The following KCNMA1 variants were observed in gnomAD, a reference collection of about 807,000 sequenced individuals.
The protein encoded by KCNMA1 is potassium calcium-activated channel subfamily M alpha 1.
In KCNMA1, 29 loss-of-function variants were observed where a neutral mutation model predicts 140.0. The observed-to-expected ratio is 0.21, with a 90% CI of 0.15 to 0.28. The LOEUF (loss-of-function observed/expected upper bound fraction) is 0.28. KCNMA1 is among the 10% of genes least tolerant of loss of function. The pLI is 1.00. For synonymous variants in KCNMA1, 612 were observed against 611.9 expected, an observed-to-expected ratio of 1.00 and a Z score of 0.00; for missense variants, 880 against 1,602.2, an observed-to-expected ratio of 0.55 and a Z score of 7.70.
intron 1 of KCNMA1, among the ~76,000 whole-genome samples, chr10:77,626,189 G>A (rs1292769367): frequency 6.6e-6 from 1 of 152,070 alleles, no homozygotes; most frequent in African/African-American, 2.4e-5. Flanking sequence ...AGAAAACAGG[G>A]TTGTGAAAGA....
In KCNMA1 at chr10:76,885,204, G is replaced by GTT. The variant is rs1026349014; in HGVS notation, c.*2060_*2061dup. On this transcript the variant is annotated 3_prime_UTR_variant, in exon 28 of 28. Coordinates refer to ENST00000286628, the MANE Select transcript of KCNMA1 (RefSeq NM_001161352.2). ...CAATACTAGGGGATACATATATATA[G>GTT]TTATATATATAGTTATATATATATA... 8.1e-6 allele frequency: 5 copies of GTT among 619,984 alleles called. No homozygotes were observed. Among genetic ancestry groups the GTT allele is most frequent in the South Asian group, 7.2e-5 (1 of 13,796 alleles). 38.4% of individuals were successfully genotyped at this position (619,984 alleles called of 1,614,324 possible). A position where few individuals can be genotyped will look rare whatever the true frequency, so the allele number is the denominator to read the frequency against.
chr10:77,369,466 G>C (rs1294931642), intron 2 of KCNMA1, among the ~76,000 whole-genome samples: 2 of 152,130 alleles, frequency 1.3e-5, no homozygotes, highest in Non-Finnish European at 2.9e-5. Flanking sequence ...GGCTCTTGTG[G>C]CTCTGGCCCT....
At chr10:77,067,765 A>G in intron 14 of KCNMA1, among the ~76,000 whole-genome samples, 1 of 152,218 alleles carries the variant, frequency 6.6e-6, no homozygotes. Context: ...CTGGGCAGAC[A>G]GAAAGGTAAA....
Position 76,985,303 on chromosome 10 carries a change from G to A in KCNMA1, c.2267-15236C>T, listed in dbSNP as rs142927803. Among the ~76,000 whole-genome samples the A allele has an allele frequency of 3.7e-3, 556 of 152,254 alleles. 4 individuals carry two copies. The highest frequency in any genetic ancestry group is 0.012 in the African/African-American group (507 of 41,558). On this transcript the variant is annotated intron_variant, in intron 19 of 27. Transcript: ENST00000286628. Reference sequence around the variant, plus strand: ...GGATAGCTCTTTTTGCTCTAACAACGTGTTATTAAAAGCCACAACTTAATC... The same window carrying A: ...GGATAGCTCTTTTTGCTCTAACAACATGTTATTAAAAGCCACAACTTAATC...
chr10:77,243,552 T>C lies in KCNMA1; in HGVS notation c.602+7643A>G, dbSNP rs1303440433. Among the ~76,000 whole-genome samples, 5 of 152,226 alleles carry C rather than the reference T, an allele frequency of 3.3e-5. No individual in the cohort carries two copies. The East Asian group carries it at 9.6e-4, about 29-fold the overall frequency. Reference sequence around the variant, plus strand: ...TGCCAGGTTGTCCAAAGCATTCTTTTTAAGTTTTGGAGAGTGGCGAGAAGG... The same window carrying C: ...TGCCAGGTTGTCCAAAGCATTCTTTCTAAGTTTTGGAGAGTGGCGAGAAGG... On this transcript the variant is annotated intron_variant, in intron 3 of 27. Transcript: ENST00000286628.
chr10:77,108,212 A>G lies in KCNMA1; in HGVS notation c.1223+269T>C, dbSNP rs2097238132. The G allele has an allele frequency of 5.1e-6, 6 of 1,183,514 alleles. No individual in the cohort carries two copies. Among genetic ancestry groups the G allele is most frequent in the Non-Finnish European group, 5.7e-6 (5 of 870,058 alleles). 73.3% of individuals were successfully genotyped at this position (1,183,514 alleles called of 1,614,324 possible). ...GCACCCGGTGGGGTTGGGGAGGGGC[A>G]GAATTCAGATGGCACCTCCACAGGG... On this transcript the variant is annotated intron_variant, in intron 9 of 27. Transcript: ENST00000286628. This position sits in a 1 kb window ranked among gnomAD's most constrained non-coding sequence, Gnocchi z 4.6.
intron 18 of KCNMA1, among the ~76,000 whole-genome samples, chr10:77,002,086 G>A (rs1225550270): frequency 6.6e-6 from 1 of 152,176 alleles, no homozygotes; most frequent in Non-Finnish European, 1.5e-5. Flanking sequence ...ATTAGGCAGA[G>A]GCTGGGACAA....
rs59754706 is a variant in KCNMA1 at position 77,554,597 on chromosome 10, CAAAAAAAAAAA to C, written c.378+82657_378+82667del. 5.9e-5 allele frequency among the ~76,000 whole-genome samples: 5 copies of C among 84,074 alleles called. 1 individual carries two copies. In the Middle Eastern group the frequency reaches 0.022, roughly 374 times the overall value. The allele number at this position is 84,074 out of a possible 152,430, so 55.2% of individuals were successfully genotyped here. ...GGGTGACAAGAGTAATACTCCATCT[CAAAAAAAAAAA>C]AAAAAAAAAAGAAAGAAAGAAAAGA... On this transcript the variant is annotated intron_variant, in intron 1 of 27. Coordinates refer to ENST00000286628, the MANE Select transcript of KCNMA1 (RefSeq NM_001161352.2).
intron 5 of KCNMA1, among the ~76,000 whole-genome samples, chr10:77,128,156 C>T (rs185529279): frequency 6.6e-6 from 1 of 151,914 alleles, no homozygotes; most frequent in Non-Finnish European, 1.5e-5. Flanking sequence ...TGCCAGTCTG[C>T]CTGTGTATTT....
intron 1 of KCNMA1, among the ~76,000 whole-genome samples, chr10:77,510,578 A>G (rs1430859169): frequency 1.3e-5 from 2 of 152,102 alleles, no homozygotes; most frequent in African/African-American, 4.8e-5. Flanking sequence ...TTAACATATG[A>G]AAGGTCTGTA....
At chr10:77,595,008 T>C (rs994583888) in intron 1 of KCNMA1, among the ~76,000 whole-genome samples, 1 of 152,124 alleles carries the variant, frequency 6.6e-6, no homozygotes, top group Non-Finnish European at 1.5e-5. Context: ...AGTAGCTGCC[T>C]AGAAAATCTC....
In KCNMA1 at chr10:77,420,022, A is replaced by C. The variant is rs146704946; in HGVS notation, c.379-15999T>G. On this transcript the variant is annotated intron_variant, in intron 1 of 27. Coordinates refer to ENST00000286628, the MANE Select transcript of KCNMA1 (RefSeq NM_001161352.2). ...GCTCTGCCTATAAACAAAGTCATAGAGAGGGGAATGTGATTCATGATTTGT... is the reference window on the plus strand; with the variant it reads ...GCTCTGCCTATAAACAAAGTCATAGCGAGGGGAATGTGATTCATGATTTGT... 2.7e-3 allele frequency among the ~76,000 whole-genome samples: 419 copies of C among 152,366 alleles called. 3 individuals are homozygous for C. The highest frequency in any genetic ancestry group is 9.5e-3 in the African/African-American group (394 of 41,582).
intron 16 of KCNMA1, among the ~76,000 whole-genome samples, chr10:77,025,989 G>GAA (rs141656183): frequency 0.44 from 58,015 of 131,112 alleles, 13,440 homozygotes; most frequent in Middle Eastern, 0.56. Flanking sequence ...CTTTTCTGAA[G>GAA]AAAAAAAAAA....
intron 1 of KCNMA1, among the ~76,000 whole-genome samples, chr10:77,582,207 G>T (rs1226499885): frequency 6.6e-6 from 1 of 152,196 alleles, no homozygotes; most frequent in Admixed American, 6.5e-5. Context: ...TCTGGAGCTG[G>T]TCTGCCTGGG....
At chr10:77,499,045 G>C (rs1788484985) in intron 1 of KCNMA1, 2 of 152,216 alleles carry the variant, frequency 1.3e-5, no homozygotes, top group African/African-American at 4.8e-5. Flanking sequence ...TGCACACAAA[G>C]TGCTTAGCAC....
intron 11 of KCNMA1, among the ~76,000 whole-genome samples, chr10:77,085,498 G>A (rs1450921562): frequency 6.6e-6 from 1 of 152,128 alleles, no homozygotes; most frequent in Non-Finnish European, 1.5e-5. Flanking sequence ...AATAACTTGA[G>A]TTATGTCTGG....
intron 2 of KCNMA1, among the ~76,000 whole-genome samples, chr10:77,394,058 GCAGA>G: frequency 6.6e-6 from 1 of 152,332 alleles, no homozygotes; most frequent in South Asian, 2.1e-4. Flanking sequence ...AGATGGATGG[GCAGA>G]CAGACAATGG....
At chr10:77,221,915 T>C (rs1159022333) in intron 3 of KCNMA1, among the ~76,000 whole-genome samples, 1 of 152,182 alleles carries the variant, frequency 6.6e-6, no homozygotes, top group African/African-American at 2.4e-5. Context: ...CAGATGCAGG[T>C]TCAAATCCCA....
At chr10:77,496,777 T>C (rs1243408739) in intron 1 of KCNMA1, among the ~76,000 whole-genome samples, 2 of 152,058 alleles carry the variant, frequency 1.3e-5, no homozygotes, top group Non-Finnish European at 1.5e-5. Flanking sequence ...CTAGATTAAG[T>C]GTGTTGACCA....
Sources: allele counts gnomAD v4.1 joint callset (sites outside exome capture counted in the v4.1 genomes callset), GRCh38; gene constraint gnomAD v4.1.1; non-coding constraint Gnocchi (gnomAD v3.1); transcripts MANE v1.5; gene names NCBI Gene and HGNC (gene_info 2026-07-23, HGNC 2026-07-21).